Variants in ERBB4 observed in about 807,000 individuals in gnomAD.
ERBB4 encodes erb-b2 receptor tyrosine kinase 4.
A neutral mutation model predicts 158.0 loss-of-function variants in ERBB4; 42 were observed. The ratio of observed to expected loss-of-function variants is 0.27; its 90% CI spans 0.21 to 0.34. The LOEUF is 0.34. Among genes scored for constraint, ERBB4 ranks in the 10% least tolerant of loss-of-function variants. The probability of loss-of-function intolerance (pLI) is 1.00; values close to 1 mark genes in which losing one functional copy is unlikely to be tolerated. For synonymous variants in ERBB4, 583 were observed against 558.7 expected, an observed-to-expected ratio of 1.04 and a Z score of -0.61; for missense variants, 1,333 against 1,624.1, an observed-to-expected ratio of 0.82 and a Z score of 3.08.
rs566349787 is a variant in ERBB4 at position 211,541,046 on chromosome 2, C to T, written c.2487+20857G>A. 2.2e-4 allele frequency among the ~76,000 whole-genome samples: 33 copies of T among 151,978 alleles called. 1 individual carries two copies. The South Asian group carries it at 6.4e-3, about 30-fold the overall frequency. On this transcript the variant is annotated intron_variant, in intron 20 of 27. Coordinates refer to ENST00000342788, the MANE Select transcript of ERBB4 (RefSeq NM_005235.3). ...AGGGAGGTGTCAATTTGCTCTCTCC[C>T]TCTCTGTGATTATATCTAAGAAACT...
intron 2 of ERBB4, among the ~76,000 whole-genome samples, chr2:212,107,309 A>C (rs2079260303): frequency 6.6e-6 from 1 of 152,082 alleles, no homozygotes; most frequent in Non-Finnish European, 1.5e-5. Flanking sequence ...GAGTCAAAGG[A>C]GATCTTTTTT....
At chr2:211,878,397 C>A (rs1463143262) in intron 3 of ERBB4, among the ~76,000 whole-genome samples, 1 of 151,890 alleles carries the variant, frequency 6.6e-6, no homozygotes, top group Non-Finnish European at 1.5e-5. Context: ...ATGGAAAATA[C>A]AATAGTATTC....
intron 4 of ERBB4, among the ~76,000 whole-genome samples, chr2:211,754,546 G>A (rs2075242178): frequency 6.7e-6 from 1 of 150,022 alleles, no homozygotes; most frequent in East Asian, 2.0e-4. Context: ...GATTACAGGT[G>A]CCTGCCATAC....
intron 25 of ERBB4, among the ~76,000 whole-genome samples, chr2:211,394,504 G>C (rs1236694226): frequency 6.6e-6 from 1 of 152,058 alleles, no homozygotes; most frequent in Admixed American, 6.6e-5. Context: ...GAAACCTAAA[G>C]AGGAAAACTT....
At chr2:212,127,579 G>C (rs1009981468) in intron 1 of ERBB4, among the ~76,000 whole-genome samples, 1 of 152,122 alleles carries the variant, frequency 6.6e-6, no homozygotes, top group Non-Finnish European at 1.5e-5. Context: ...GCAACAGAGC[G>C]AGACTCCATC....
In ERBB4 at chr2:211,673,164, C is replaced by T. The variant is rs2105938707; in HGVS notation, c.1716G>A (p.Pro572=). 3 of 1,605,606 alleles carry T rather than the reference C, an allele frequency of 1.9e-6. No individual in the cohort carries two copies. The highest frequency in any genetic ancestry group is 2.6e-6 in the Non-Finnish European group (3 of 1,172,372). The change falls in exon 14 of 28, where the codon CCG becomes CCA. Residue 572 remains proline (P), a splice_region_variant and synonymous_variant. Transcript: ENST00000342788. ...MEDGLLTCHG[P]GPDNCTKCSH... Reference sequence around the variant, plus strand: ...ACACCACAGATGTCTTCAGGCTTACCGGTCCATGGCATGTGAGGAGGCCAT... The same window carrying T: ...ACACCACAGATGTCTTCAGGCTTACTGGTCCATGGCATGTGAGGAGGCCAT...
At chr2:212,537,458 G>A (rs1209341377) in intron 1 of ERBB4, among the ~76,000 whole-genome samples, 1 of 151,988 alleles carries the variant, frequency 6.6e-6, no homozygotes, top group African/African-American at 2.4e-5. Context: ...CCTGCAAGCC[G>A]TGGCGGGCCA....
chr2:211,826,184 T>C (rs1206304846), intron 3 of ERBB4, among the ~76,000 whole-genome samples: 1 of 151,664 alleles, frequency 6.6e-6, no homozygotes, highest in South Asian at 2.1e-4. Flanking sequence ...AGTAGTGTGG[T>C]ATAAGGAGAA....
chr2:211,532,439 T>C (rs1050529776), intron 20 of ERBB4, among the ~76,000 whole-genome samples: 2 of 151,834 alleles, frequency 1.3e-5, no homozygotes, highest in Non-Finnish European at 2.9e-5. Context: ...AAAATAAATA[T>C]AAAAAATTAA....
At chr2:211,929,275 G>C (rs946294826) in intron 3 of ERBB4, among the ~76,000 whole-genome samples, 1 of 151,934 alleles carries the variant, frequency 6.6e-6, no homozygotes, top group African/African-American at 2.4e-5. Context: ...GACAGAGAGA[G>C]AGAGAGAGAG....
At chr2:211,795,363 A>G (rs2076362011) in intron 3 of ERBB4, among the ~76,000 whole-genome samples, 1 of 151,848 alleles carries the variant, frequency 6.6e-6, no homozygotes, top group South Asian at 2.1e-4. Flanking sequence ...TACTCACGGT[A>G]TCTGTCGCAT....
intron 2 of ERBB4, among the ~76,000 whole-genome samples, chr2:212,046,933 T>C (rs915392303): frequency 1.8e-4 from 28 of 152,196 alleles, no homozygotes; most frequent in Admixed American, 1.6e-3. Context: ...ACCTTGGATA[T>C]ACTGATTATA....
chr2:212,375,493 T>C (rs114669322), intron 1 of ERBB4, among the ~76,000 whole-genome samples: 259 of 152,204 alleles, frequency 1.7e-3, no homozygotes, highest in Middle Eastern at 6.8e-3. Context: ...GTGTGGTTCG[T>C]GTTTAGAAGT....
chr2:211,422,135 T>C (rs1240071883), intron 23 of ERBB4, 31 bp from the exon 24 acceptor site: 10 of 1,329,488 alleles, frequency 7.5e-6, no homozygotes, highest in Non-Finnish European at 1.1e-5. Flanking sequence ...AATGTCACTA[T>C]ATTCGTAACT....
chr2:212,462,474 A>T (rs548480750), intron 1 of ERBB4, among the ~76,000 whole-genome samples: 3 of 152,202 alleles, frequency 2.0e-5, no homozygotes, highest in Non-Finnish European at 4.4e-5. Flanking sequence ...AAGAGATGAC[A>T]TACAAATGGC....
At chr2:212,004,906 G>T (rs1228741755) in intron 2 of ERBB4, among the ~76,000 whole-genome samples, 1 of 151,918 alleles carries the variant, frequency 6.6e-6, no homozygotes, top group Non-Finnish European at 1.5e-5. Context: ...AATTATTTCA[G>T]TAAGGTAGGA....
intron 1 of ERBB4, among the ~76,000 whole-genome samples, chr2:212,250,593 T>C (rs2084494054): frequency 6.6e-6 from 1 of 151,940 alleles, no homozygotes; most frequent in South Asian, 2.1e-4. Flanking sequence ...ATCAGACAAA[T>C]GTAAAATGAT....
At chr2:212,270,972 A>G (rs1249811598) in intron 1 of ERBB4, among the ~76,000 whole-genome samples, 1 of 151,830 alleles carries the variant, frequency 6.6e-6, no homozygotes, top group Non-Finnish European at 1.5e-5. Context: ...GTCCCAGAGA[A>G]TGAGATAAAA....
At chr2:211,610,492 A>G (rs1299992713) in intron 19 of ERBB4, among the ~76,000 whole-genome samples, 5 of 152,162 alleles carry the variant, frequency 3.3e-5, no homozygotes, top group Admixed American at 3.3e-4. Flanking sequence ...CTTTGGGCAA[A>G]AGATTTCTAC....
Sources: allele counts gnomAD v4.1 joint callset (sites outside exome capture counted in the v4.1 genomes callset), GRCh38; gene constraint gnomAD v4.1.1; transcripts MANE v1.5; gene names NCBI Gene and HGNC (gene_info 2026-07-23, HGNC 2026-07-21).